Variants in MGAT4C observed in about 807,000 individuals in gnomAD.
MGAT4C encodes the protein MGAT4 family member C.
A neutral mutation model predicts 40.1 loss-of-function variants in MGAT4C; 19 were observed. The ratio of observed to expected loss-of-function variants is 0.47; its 90% CI spans 0.33 to 0.70. The LOEUF is 0.70. MGAT4C is among the 30% of genes least tolerant of loss of function. The pLI is 0.02. For synonymous variants in MGAT4C, 181 were observed against 187.1 expected (o/e 0.97, Z 0.27); for missense variants, 491 against 563.2 (o/e 0.87, Z 1.30).
At chr12:86,386,121 G>A (rs991796005) in intron 3 of MGAT4C, among the ~76,000 whole-genome samples, 1 of 151,908 alleles carries the variant, frequency 6.6e-6, no homozygotes, top group Non-Finnish European at 1.5e-5. Context: ...TAGTAGAGAC[G>A]GGGTTTCACT....
At chr12:86,390,984 G>T (rs1231440093) in intron 3 of MGAT4C, among the ~76,000 whole-genome samples, 1 of 152,106 alleles carries the variant, frequency 6.6e-6, no homozygotes, top group Non-Finnish European at 1.5e-5. Flanking sequence ...AAACATATCT[G>T]ATTTCCAGAA....
chr12:86,375,996 T>C (rs956790129), intron 3 of MGAT4C, among the ~76,000 whole-genome samples: 6 of 152,042 alleles, frequency 3.9e-5, no homozygotes, highest in Non-Finnish European at 8.8e-5. Context: ...TGCAAATAGA[T>C]TGAACGTTAA....
intron 2 of MGAT4C, among the ~76,000 whole-genome samples, chr12:86,677,074 G>C (rs1437799150): frequency 6.6e-6 from 1 of 151,966 alleles, no homozygotes; most frequent in Non-Finnish European, 1.5e-5. Context: ...AGAGTGTTGA[G>C]ATGTGAGGAG....
chr12:86,257,270 C>T (rs1366539573), upstream of MGAT4C, among the ~76,000 whole-genome samples: 1 of 152,158 alleles, frequency 6.6e-6, no homozygotes, highest in Non-Finnish European at 1.5e-5. Context: ...ATGGGCTAAG[C>T]TGGTTGCAGC....
intron 2 of MGAT4C, among the ~76,000 whole-genome samples, chr12:86,525,786 G>C (rs186462110): frequency 6.6e-6 from 1 of 152,262 alleles, no homozygotes; most frequent in East Asian, 1.9e-4. Flanking sequence ...TTGTTCACTG[G>C]ATCATTGAGG....
chr12:86,670,771 T>C (rs1964236635), intron 2 of MGAT4C, among the ~76,000 whole-genome samples: 3 of 152,260 alleles, frequency 2.0e-5, no homozygotes, highest in East Asian at 1.9e-4. Flanking sequence ...CACCAGACTG[T>C]CCAAGGCCAA....
chr12:86,269,351 AG>A (rs1326614273), intron 4 of MGAT4C, among the ~76,000 whole-genome samples: 2 of 151,530 alleles, frequency 1.3e-5, no homozygotes, highest in Non-Finnish European at 2.9e-5. Flanking sequence ...GAAATATTTA[AG>A]TAAAGTTTAT....
intron 2 of MGAT4C, among the ~76,000 whole-genome samples, chr12:86,664,674 G>T (rs1187087934): frequency 6.6e-6 from 1 of 151,938 alleles, no homozygotes; most frequent in African/African-American, 2.4e-5. Flanking sequence ...CAAAAAAAAG[G>T]TGCCTATTAT....
intron 1 of MGAT4C, among the ~76,000 whole-genome samples, chr12:86,162,970 A>G (rs1390094065): frequency 6.6e-6 from 1 of 152,160 alleles, no homozygotes; most frequent in Admixed American, 6.5e-5. Flanking sequence ...GCTATATTAA[A>G]TTAATGCATG....
At chr12:86,166,109 T>C (rs1886163805) in intron 1 of MGAT4C, among the ~76,000 whole-genome samples, 1 of 152,190 alleles carries the variant, frequency 6.6e-6, no homozygotes, top group Admixed American at 6.5e-5. Context: ...TTATTATCTT[T>C]GAGTCATATC....
intron 3 of MGAT4C, among the ~76,000 whole-genome samples, chr12:86,337,026 T>G (rs1954804570): frequency 6.6e-6 from 1 of 152,120 alleles, no homozygotes; most frequent in Non-Finnish European, 1.5e-5. Flanking sequence ...CTTCATTTCA[T>G]TCATAAGGAT....
chr12:86,593,533 C>T (rs985128370), intron 2 of MGAT4C, among the ~76,000 whole-genome samples: 1 of 152,116 alleles, frequency 6.6e-6, no homozygotes, highest in African/African-American at 2.4e-5. Flanking sequence ...CTAAGCACTG[C>T]TGTAGCTTCA....
intron 2 of MGAT4C, among the ~76,000 whole-genome samples, chr12:86,666,265 C>T (rs1050488596): frequency 2.6e-5 from 4 of 152,072 alleles, no homozygotes; most frequent in Non-Finnish European, 5.9e-5. Context: ...GCACCATTAC[C>T]CTAAGACTTT....
intron 1 of MGAT4C, among the ~76,000 whole-genome samples, chr12:86,774,032 C>A (rs573469309): frequency 2.1e-5 from 3 of 140,496 alleles, no homozygotes; most frequent in Non-Finnish European, 4.5e-5. Flanking sequence ...GGGCTTACTG[C>A]GACCTCTGTC....
At chr12:86,462,791 G>A (rs550881018) in intron 2 of MGAT4C, among the ~76,000 whole-genome samples, 147 of 152,174 alleles carry the variant, frequency 9.7e-4, no homozygotes, top group African/African-American at 3.3e-3. Context: ...AGATGAGACC[G>A]GAAGACTCAG....
chr12:86,504,568 A>G (rs1407563964), intron 2 of MGAT4C, among the ~76,000 whole-genome samples: 1 of 152,232 alleles, frequency 6.6e-6, no homozygotes, highest in Non-Finnish European at 1.5e-5. Flanking sequence ...CTCCAAGCCA[A>G]TATAAAAGTC....
intron 4 of MGAT4C, among the ~76,000 whole-genome samples, chr12:86,308,342 T>C (rs564534832): frequency 1.3e-5 from 2 of 150,778 alleles, no homozygotes; most frequent in East Asian, 1.9e-4. Context: ...AGCAACACTA[T>C]TCCTGCTGTG....
chr12:85,969,585 T>A lies in MGAT4C; in HGVS notation c.*9704A>T, dbSNP rs1399083036. 1.3e-5 allele frequency: 2 copies of A among 151,568 alleles called. No homozygotes were observed. The highest frequency in any genetic ancestry group is 4.8e-5 in the African/African-American group (2 of 41,384). The allele number at this position is 151,568 out of a possible 1,614,324, so 9.4% of individuals were successfully genotyped here. On this transcript the variant is annotated 3_prime_UTR_variant, in exon 5 of 5. Transcript: ENST00000611864. Reference sequence around the variant, plus strand: ...AAGTTTAAAAAATGAGAAAAAAATGTTTTACATGAAGAAACTAATTATTTA... The same window carrying A: ...AAGTTTAAAAAATGAGAAAAAAATGATTTACATGAAGAAACTAATTATTTA...
chr12:86,303,138 A>G (rs1278885747), intron 4 of MGAT4C, among the ~76,000 whole-genome samples: 1 of 150,482 alleles, frequency 6.6e-6, no homozygotes, highest in Non-Finnish European at 1.5e-5. Flanking sequence ...TCCTTTGTGG[A>G]GCTAATTTTA....
Sources: allele counts gnomAD v4.1 joint callset (sites outside exome capture counted in the v4.1 genomes callset), GRCh38; gene constraint gnomAD v4.1.1; transcripts MANE v1.5; gene names NCBI Gene and HGNC (gene_info 2026-07-23, HGNC 2026-07-21).